Variants in DPP6 observed in about 807,000 individuals in gnomAD.
DPP6 encodes the protein dipeptidyl peptidase like 6.
DPP6 carries 69 observed loss-of-function variants against 122.6 expected under a neutral mutation model. The ratio of observed to expected loss-of-function variants is 0.56; its 90% CI spans 0.46 to 0.69. DPP6 has a LOEUF of 0.69. Ranked by LOEUF, DPP6 falls within the 30% of genes least tolerant of loss-of-function variation. The pLI, the probability that DPP6 is intolerant of heterozygous loss-of-function variation, is 0.00. For synonymous variants in DPP6, 418 were observed against 433.1 expected (o/e 0.97, Z 0.43); for missense variants, 928 against 1,116.9 (o/e 0.83, Z 2.41).
chr7:154,375,111 G>A (rs995909448), intron 1 of DPP6, among the ~76,000 whole-genome samples: 2 of 152,074 alleles, frequency 1.3e-5, no homozygotes, highest in South Asian at 2.1e-4. Flanking sequence ...GTGAGTCCCG[G>A]GGAAGAGAGG....
At chr7:154,536,361 G>T (rs1828255330) in intron 3 of DPP6, among the ~76,000 whole-genome samples, 1 of 152,106 alleles carries the variant, frequency 6.6e-6, no homozygotes, top group African/African-American at 2.4e-5. Flanking sequence ...TTCTAGATAG[G>T]TTATGTTTTG....
the DPP6 span, among the ~76,000 whole-genome samples, chr7:153,833,695 G>A: frequency 6.6e-6 from 1 of 151,864 alleles, no homozygotes; most frequent in Non-Finnish European, 1.5e-5. Flanking sequence ...AGGTGGGGGT[G>A]TGTGGGGAGA....
At chr7:154,659,358 CA>C (rs1334311908) in intron 6 of DPP6, among the ~76,000 whole-genome samples, 9 of 152,176 alleles carry the variant, frequency 5.9e-5, no homozygotes, top group Non-Finnish European at 1.3e-4. Context: ...AATATTCAAC[CA>C]TTGATCCTTC....
chr7:154,263,423 C>G (rs532118797), intron 1 of DPP6, among the ~76,000 whole-genome samples: 1 of 152,308 alleles, frequency 6.6e-6, no homozygotes, highest in East Asian at 1.9e-4. Context: ...GAAGAAAAAT[C>G]TGAGTAATCA....
At chr7:154,520,474 A>G (rs1302715340) in intron 3 of DPP6, among the ~76,000 whole-genome samples, 5 of 152,240 alleles carry the variant, frequency 3.3e-5, no homozygotes, top group East Asian at 1.9e-4. Flanking sequence ...GCAAAGCCTA[A>G]AATAGAGGCC....
intron 16 of DPP6, among the ~76,000 whole-genome samples, chr7:154,809,789 G>T (rs774896940): frequency 1.3e-5 from 2 of 152,226 alleles, no homozygotes; most frequent in African/African-American, 2.4e-5. Flanking sequence ...AGGCTGAGCT[G>T]CTCGGTCATA....
chr7:154,000,469 C>T (rs1383443664), intron 1 of DPP6, among the ~76,000 whole-genome samples: 1 of 152,130 alleles, frequency 6.6e-6, no homozygotes, highest in Non-Finnish European at 1.5e-5. Flanking sequence ...CTGGTGACAG[C>T]CCACACTGAG....
At chr7:153,933,356 G>A (rs888630595) in intron 1 of DPP6, among the ~76,000 whole-genome samples, 14 of 152,118 alleles carry the variant, frequency 9.2e-5, no homozygotes, top group South Asian at 4.1e-4. Flanking sequence ...CATTGTACAG[G>A]CACTCCCAGG....
At chr7:153,982,340 A>T (rs1441601408) in intron 1 of DPP6, among the ~76,000 whole-genome samples, 2 of 151,428 alleles carry the variant, frequency 1.3e-5, no homozygotes, top group African/African-American at 4.9e-5. Flanking sequence ...TGCTTCAGCT[A>T]TTGATACTTG....
At chr7:154,553,466 T>C (rs946723201) in intron 4 of DPP6, among the ~76,000 whole-genome samples, 16 of 152,244 alleles carry the variant, frequency 1.1e-4, no homozygotes, top group Non-Finnish European at 2.4e-4. Flanking sequence ...GTTGATATTT[T>C]GAGTGCTTAC....
At chr7:154,062,665 G>T (rs564806835) in intron 1 of DPP6, among the ~76,000 whole-genome samples, 46 of 57,510 alleles carry the variant, frequency 8.0e-4, no homozygotes, top group Non-Finnish European at 1.1e-3. Flanking sequence ...GGCACCCCCC[G>T]CGAGGGTGGG....
the DPP6 span, among the ~76,000 whole-genome samples, chr7:153,837,301 G>A: frequency 9.2e-5 from 14 of 152,182 alleles, no homozygotes; most frequent in South Asian, 2.9e-3. Flanking sequence ...AGCAATAGCT[G>A]CCAATGTTTG....
chr7:154,298,353 G>A (rs1651877030), intron 1 of DPP6, among the ~76,000 whole-genome samples: 1 of 151,976 alleles, frequency 6.6e-6, no homozygotes, highest in African/African-American at 2.4e-5. Context: ...GAAGGCTCCG[G>A]GGCAGTGGGG....
chr7:153,804,557 G>A, the DPP6 span, among the ~76,000 whole-genome samples: 2 of 152,120 alleles, frequency 1.3e-5, no homozygotes, highest in Non-Finnish European at 2.9e-5. Flanking sequence ...AGGCTTATGA[G>A]AAAAATATTA....
chr7:153,837,582 T>C, the DPP6 span, among the ~76,000 whole-genome samples: 4 of 152,346 alleles, frequency 2.6e-5, no homozygotes, highest in East Asian at 3.9e-4. Flanking sequence ...ATATATACTT[T>C]TCAATGCTAA....
At chr7:154,420,514 TGAG>T (rs1817381432) in intron 1 of DPP6, among the ~76,000 whole-genome samples, 1 of 151,544 alleles carries the variant, frequency 6.6e-6, no homozygotes. Context: ...AGGAGGGAAA[TGAG>T]GAGTTATTAA....
At chr7:154,288,378 G>A (rs977268049) in intron 1 of DPP6, among the ~76,000 whole-genome samples, 9 of 152,204 alleles carry the variant, frequency 5.9e-5, no homozygotes, top group Admixed American at 3.9e-4. Context: ...GCTACCCAGG[G>A]TTCCCACTGT....
At chr7:154,714,231 G>C (rs531142764) in intron 7 of DPP6, among the ~76,000 whole-genome samples, 1 of 152,302 alleles carries the variant, frequency 6.6e-6, no homozygotes, top group African/African-American at 2.4e-5. Flanking sequence ...TCTGTAGGAA[G>C]TTCTAAACTT....
rs1474271264 is a variant in DPP6, at chr7:154,383,727, A to G, written c.244-62487A>G. On this transcript the variant is annotated intron_variant, in intron 1 of 25. Coordinates refer to ENST00000377770, the MANE Select transcript of DPP6 (RefSeq NM_130797.4). ...CAACATGGTGAAACCCAGTCTCTAC[A>G]AAAAATACAAAAATTAGCCAGGCAT... Among the ~76,000 whole-genome samples the G allele has an allele frequency of 4.0e-5, 6 of 151,814 alleles. No homozygotes were observed. In the East Asian group the frequency reaches 1.2e-3, roughly 30 times the overall value.
Sources: gnomAD v4.1 joint callset for allele counts (sites outside exome capture counted in the v4.1 genomes callset) on GRCh38, gnomAD v4.1.1 for gene constraint, MANE v1.5 for transcripts, NCBI Gene and HGNC (gene_info 2026-07-23, HGNC 2026-07-21) for gene names.